ZNF44: variants seen among roughly 807,000 people sequenced by gnomAD.
ZNF44 encodes the protein zinc finger protein 44.
In ZNF44, 9 loss-of-function variants were observed where a neutral mutation model predicts 11.7. The observed-to-expected ratio is 0.77, with a 90% confidence interval of 0.46 to 1.35. The LOEUF (loss-of-function observed/expected upper bound fraction) is 1.35. Ranked by LOEUF, ZNF44 falls within the 40% of genes most tolerant of loss-of-function variation. ZNF44 has a pLI of 0.00. For synonymous variants in ZNF44, 224 were observed against 242.7 expected, an observed-to-expected ratio of 0.92 and a Z score of 0.72; for missense variants, 696 against 743.1, an observed-to-expected ratio of 0.94 and a Z score of 0.74.
At chr19:12,285,746 C>T (rs762277590) in intron 1 of ZNF44, among the ~76,000 whole-genome samples, 4 of 151,996 alleles carry the variant, frequency 2.6e-5, no homozygotes, top group African/African-American at 9.7e-5. Flanking sequence ...TGGCCAGGCG[C>T]GGTGGCTCAC....
chr19:12,294,877 G>C lies in ZNF44; in HGVS notation c.-183C>G, dbSNP rs1968185479. The C allele has an allele frequency of 4.5e-6, 3 of 667,096 alleles. No individual in the cohort carries two copies. The highest frequency in any genetic ancestry group is 7.5e-5 in the Admixed American group (2 of 26,768). The allele number at this position is 667,096 out of a possible 1,614,324, so 41.3% of individuals were successfully genotyped here. The stretch of plus-strand genomic sequence containing the variant: ...ACACCCTCCTCTCTGCCTCGCGCCT[G>C]ATTGACAATTCTCAGGAACCCGCCC... On this transcript the variant is annotated 5_prime_UTR_variant, in exon 1 of 4. The change creates a new upstream start codon in the 5' untranslated region. Coordinates refer to ENST00000355684, the MANE Select transcript of ZNF44 (RefSeq NM_016264.4).
At chr19:12,288,294 G>C (rs927110410) in intron 1 of ZNF44, among the ~76,000 whole-genome samples, 1 of 152,184 alleles carries the variant, frequency 6.6e-6, no homozygotes, top group African/African-American at 2.4e-5. Context: ...TTGTTATAAA[G>C]TATATGTCAA....
intron 3 of ZNF44, among the ~76,000 whole-genome samples, chr19:12,228,053 A>G (rs1481898082): frequency 6.6e-6 from 1 of 152,174 alleles, no homozygotes; most frequent in Non-Finnish European, 1.5e-5. Context: ...TTTTTATTTT[A>G]ATGCTCAATT....
chr19:12,293,162 G>T, intron 1 of ZNF44: 1 of 1,483,986 alleles, frequency 6.7e-7, no homozygotes, highest in East Asian at 2.5e-5. Flanking sequence ...GAGCCACCGC[G>T]CCCAGCCCAG....
intron 1 of ZNF44, chr19:12,285,316 C>T: frequency 4.8e-6 from 1 of 210,086 alleles, no homozygotes; most frequent in Non-Finnish European, 9.4e-6. Context: ...AGTGCAAAGA[C>T]GCGATCTCGG....
intron 3 of ZNF44, among the ~76,000 whole-genome samples, chr19:12,227,439 T>TA (rs1915966839): frequency 6.6e-6 from 1 of 152,176 alleles, no homozygotes; most frequent in South Asian, 2.1e-4. Context: ...TCGTCTCTAC[T>TA]AAAAATACAA....
chr19:12,283,583 C>A (rs1033153093), intron 1 of ZNF44, among the ~76,000 whole-genome samples: 7 of 152,202 alleles, frequency 4.6e-5, no homozygotes, highest in Non-Finnish European at 8.8e-5. Flanking sequence ...CCCTCCTCGG[C>A]CTCCCAAAGT....
intron 5 of ZNF44, among the ~76,000 whole-genome samples, chr19:12,259,031 C>T (rs543150630): frequency 6.6e-6 from 1 of 152,002 alleles, no homozygotes; most frequent in African/African-American, 2.4e-5. Flanking sequence ...CGTGCCACTA[C>T]ACCCGGCTAA....
At chr19:12,251,811 G>C (rs906362133) in intron 5 of ZNF44, among the ~76,000 whole-genome samples, 2 of 152,110 alleles carry the variant, frequency 1.3e-5, no homozygotes, top group Admixed American at 6.5e-5. Context: ...CAGCACTTTG[G>C]GGGGCCGAGG....
intron 1 of ZNF44, among the ~76,000 whole-genome samples, chr19:12,287,069 C>T (rs1967792481): frequency 6.7e-6 from 1 of 148,322 alleles, no homozygotes. Context: ...TATATATACA[C>T]ATATATGTAT....
intron 1 of ZNF44, among the ~76,000 whole-genome samples, chr19:12,290,581 T>C (rs928446096): frequency 1.3e-5 from 2 of 151,548 alleles, no homozygotes; most frequent in Non-Finnish European, 1.5e-5. Context: ...ACGCCTGTAA[T>C]CCCAGCTACT....
At chr19:12,263,316 C>T (rs1015622429) in intron 5 of ZNF44, among the ~76,000 whole-genome samples, 1 of 151,940 alleles carries the variant, frequency 6.6e-6, no homozygotes, top group Admixed American at 6.6e-5. Flanking sequence ...GAAGTCCCGA[C>T]CTCAGGTGAT....
chr19:12,262,881 C>T (rs1917570715), intron 5 of ZNF44, among the ~76,000 whole-genome samples: 1 of 152,022 alleles, frequency 6.6e-6, no homozygotes, highest in African/African-American at 2.4e-5. Context: ...AAAAGGAAAC[C>T]AAAGGAAAGA....
downstream of ZNF44, among the ~76,000 whole-genome samples, chr19:12,271,264 G>GT (rs1014235442): frequency 1.3e-5 from 2 of 152,060 alleles, no homozygotes; most frequent in Non-Finnish European, 1.5e-5. Context: ...GAACACTAAG[G>GT]TTTTTTTAGG....
intron 1 of ZNF44, among the ~76,000 whole-genome samples, chr19:12,289,369 T>C (rs1186755691): frequency 6.6e-6 from 1 of 152,128 alleles, no homozygotes; most frequent in Non-Finnish European, 1.5e-5. Flanking sequence ...CTCTTTCTTC[T>C]AGGCCACTGA....
chr19:12,251,291 T>C lies in ZNF44; in HGVS notation c.1913-923A>G, dbSNP rs112764008. ...GGGTACAGTGAGCCAAGATCGCACA[T>C]TGCACTCCAGCCTGGGCAACGGAGC... is the stretch of plus-strand genomic sequence containing the variant. On this transcript the variant is annotated intron_variant and NMD_transcript_variant, in intron 5 of 7. Transcript: ENST00000393337. Among the ~76,000 whole-genome samples the C allele has an allele frequency of 5.1e-3, 772 of 150,496 alleles. 7 individuals are homozygous for C. Among genetic ancestry groups the C allele is most frequent in the African/African-American group, 0.018 (730 of 40,676 alleles).
At position 12,274,958 on chromosome 19, in the gene ZNF44, A is replaced by C; in HGVS notation, c.191+15T>G. On this transcript the variant is annotated intron_variant, in intron 3 of 3. Transcript: ENST00000355684. ...ACTGCAAGGACATCACCTGTCTCTT[A>C]TAAGTACAAATTACCTTGGATTTCT... 6.4e-7 allele frequency: 1 copy of C among 1,573,950 alleles called. No homozygotes were observed. Among genetic ancestry groups the C allele is most frequent in the Non-Finnish European group, 8.6e-7 (1 of 1,157,878 alleles).
chr19:12,294,730 C>G lies in ZNF44; in HGVS notation c.-36G>C. 1 of 1,553,416 alleles carries G rather than the reference C, an allele frequency of 6.4e-7. No individual in the cohort carries two copies. The highest frequency in any genetic ancestry group is 8.7e-7 in the Non-Finnish European group (1 of 1,149,424). ...TGCGGTGTCCCGGGTCCTCCCAACT[C>G]CCGTAGTCAGGGTAGGTCCCAGCGC... On this transcript the variant is annotated 5_prime_UTR_variant, in exon 1 of 4. Transcript: ENST00000355684.
downstream of ZNF44, among the ~76,000 whole-genome samples, chr19:12,269,490 C>T (rs1021374974): frequency 6.6e-6 from 1 of 152,096 alleles, no homozygotes; most frequent in Admixed American, 6.6e-5. Context: ...CCATTGCACT[C>T]CAGCCTGGGC....
Sources: allele counts gnomAD v4.1 joint callset (sites outside exome capture counted in the v4.1 genomes callset), GRCh38; gene constraint gnomAD v4.1.1; transcripts MANE v1.5; gene names NCBI Gene and HGNC (gene_info 2026-07-23, HGNC 2026-07-21).